Variants in ABLIM1 observed in about 807,000 individuals in gnomAD.
The protein encoded by ABLIM1 is actin-binding LIM protein 1.
ABLIM1 carries 40 observed loss-of-function variants against 107.0 expected under a neutral mutation model. That is an observed-to-expected ratio of 0.37 (90% CI 0.29 to 0.49). ABLIM1 has a LOEUF of 0.49. Ranked by LOEUF, ABLIM1 falls within the 20% of genes least tolerant of loss-of-function variation. ABLIM1 has a pLI of 0.97. For missense variants in ABLIM1, 857 were observed against 1,008.5 expected (o/e 0.85, Z 2.04); for synonymous variants, 357 against 357.3 (o/e 1.00, Z 0.01).
intron 6 of ABLIM1, among the ~76,000 whole-genome samples, chr10:114,492,317 C>G (rs1292044029): frequency 6.6e-6 from 1 of 152,160 alleles, no homozygotes; most frequent in Non-Finnish European, 1.5e-5. Flanking sequence ...ATAATAAAAT[C>G]TACCCCAATG....
In ABLIM1 at chr10:114,657,974, T is replaced by C. The variant is rs1555218447; in HGVS notation, c.227A>G (p.Asn76Ser). Residue 76 changes from asparagine to serine, a missense_variant, in exon 1 of 23, where the codon AAC (asparagine) becomes AGC (serine). This residue lies in a region of ABLIM1 where 176 missense variants were observed against 173.5 expected (regional missense o/e 1.01). Transcript: ENST00000533213. ...KDYCPRGRVC[N>S]SVDPFVAHPQ... is the part of the protein sequence containing the mutation. ...TTACTTACCAAAAGGATCAACGCTG[T>C]TACATACACGCCCACGTGGGCAGTA... 7 of 1,613,462 alleles carry C rather than the reference T, an allele frequency of 4.3e-6. No homozygotes were observed. The highest frequency in any genetic ancestry group is 1.7e-6 in the Non-Finnish European group (2 of 1,179,570).
chr10:114,722,212 G>A (rs968824553), intron 1 of ABLIM1, among the ~76,000 whole-genome samples: 3 of 152,192 alleles, frequency 2.0e-5, no homozygotes, highest in African/African-American at 7.2e-5. Context: ...AGGTTGTACA[G>A]GAAGCATGGC....
chr10:114,775,127 A>C, the ABLIM1 span, among the ~76,000 whole-genome samples: 1 of 152,098 alleles, frequency 6.6e-6, no homozygotes, highest in Non-Finnish European at 1.5e-5. Flanking sequence ...GGAAAAATGC[A>C]AGCAGGGGAA....
chr10:114,537,788 CAATT>C (rs1220974802), intron 6 of ABLIM1, among the ~76,000 whole-genome samples: 1 of 152,158 alleles, frequency 6.6e-6, no homozygotes, highest in African/African-American at 2.4e-5. Context: ...TTTGGGTCTA[CAATT>C]AATTAATTGG....
At chr10:114,771,923 AT>A (rs1665145043), upstream of ABLIM1, among the ~76,000 whole-genome samples, 2 of 152,034 alleles carry the variant, frequency 1.3e-5, no homozygotes, top group South Asian at 4.1e-4. Flanking sequence ...CATTATTAAC[AT>A]TTTTTCTTTA....
chr10:114,754,545 G>A (rs2082588740), intron 1 of ABLIM1, among the ~76,000 whole-genome samples: 1 of 152,188 alleles, frequency 6.6e-6, no homozygotes, highest in South Asian at 2.1e-4. Flanking sequence ...GTTATCAGAG[G>A]AAGAACAGAG....
Position 114,485,270 on chromosome 10 carries a change from G to A in ABLIM1, c.1041+2688C>T, listed in dbSNP as rs761428677. ...AGCCTGGGCCCAGGACAGTGGCTTC[G>A]AGCCCCAGCCTAGACACAATGCCAA... is the stretch of plus-strand genomic sequence containing the variant. On this transcript the variant is annotated intron_variant, in intron 8 of 22. Coordinates refer to ENST00000533213, the MANE Select transcript of ABLIM1 (RefSeq NM_002313.7). 64 of 1,566,286 alleles carry A rather than the reference G, an allele frequency of 4.1e-5. No individual in the cohort carries two copies. The Middle Eastern group carries it at 6.8e-4, about 17-fold the overall frequency.
intron 10 of ABLIM1, among the ~76,000 whole-genome samples, chr10:114,469,812 TA>T (rs2066097900): frequency 6.6e-6 from 1 of 152,224 alleles, no homozygotes; most frequent in South Asian, 2.1e-4. Context: ...TGTTTACAAT[TA>T]AAATGCAAAA....
rs775835991 is a variant in ABLIM1 at position 114,444,144 on chromosome 10, G to GA, written c.1828-11dup. ...CCAGGCCTGAGTTAAGCTATTCACA[G>GA]AAAAAAGGAAAAAAAAAAAAAAAAG... On this transcript the variant is annotated splice_polypyrimidine_tract_variant and intron_variant, in intron 16 of 22. Transcript: ENST00000533213. The GA allele has an allele frequency of 2.8e-6, 3 of 1,061,376 alleles. No individual in the cohort carries two copies. Among genetic ancestry groups the GA allele is most frequent in the Non-Finnish European group, 2.5e-6 (2 of 796,370 alleles). The allele number at this position is 1,061,376 out of a possible 1,614,324, so 65.7% of individuals were successfully genotyped here.
intron 1 of ABLIM1, among the ~76,000 whole-genome samples, chr10:114,757,640 C>T (rs1392127873): frequency 2.0e-5 from 3 of 152,308 alleles, no homozygotes; most frequent in African/African-American, 4.8e-5. Flanking sequence ...CACCTGCTCT[C>T]CTCCCATTTG....
In ABLIM1 at chr10:114,481,480, T is replaced by G. The variant is rs552639040; in HGVS notation, c.1041+6478A>C. On this transcript the variant is annotated intron_variant, in intron 8 of 22. Coordinates refer to ENST00000533213, the MANE Select transcript of ABLIM1 (RefSeq NM_002313.7). ...AAGTCCTGTTGATGTGGACAGTACC[T>G]GCCTTGGGTTTTTGTTGAAGTTCAC... Among the ~76,000 whole-genome samples, 33 of 152,004 alleles carry G rather than the reference T, an allele frequency of 2.2e-4. 1 individual carries two copies. The highest frequency in any genetic ancestry group is 7.7e-4 in the African/African-American group (32 of 41,442).
intron 1 of ABLIM1, chr10:114,631,769 C>T (rs2078192345): frequency 1.1e-6 from 1 of 947,054 alleles, no homozygotes; most frequent in Non-Finnish European, 1.4e-6. Flanking sequence ...ACCCAGACTT[C>T]ACAATACGGA....
At position 114,432,604 on chromosome 10, in the gene ABLIM1, T is replaced by G. The variant is rs913535728; in HGVS notation, c.*3656A>C. ...TGTCTAAAGAAATCCAGTGAAAGTT[T>G]TAGAAACATTGCCAGCTAGACGTCT... On this transcript the variant is annotated 3_prime_UTR_variant, in exon 23 of 23. Transcript: ENST00000533213. 7.2e-5 allele frequency: 11 copies of G among 152,198 alleles called. No homozygotes were observed. The highest frequency in any genetic ancestry group is 1.3e-4 in the Non-Finnish European group (9 of 68,034). The allele number at this position is 152,198 out of a possible 1,614,324, so 9.4% of individuals were successfully genotyped here.
At chr10:114,533,705 C>T (rs184732348) in intron 6 of ABLIM1, among the ~76,000 whole-genome samples, 8 of 152,104 alleles carry the variant, frequency 5.3e-5, no homozygotes, top group African/African-American at 1.2e-4. Context: ...CTTGCTCTGT[C>T]CCCCAGGCTG....
chr10:114,603,241 A>G (rs2076160749), intron 1 of ABLIM1, among the ~76,000 whole-genome samples: 1 of 152,220 alleles, frequency 6.6e-6, no homozygotes, highest in South Asian at 2.1e-4. Context: ...ATACCACAAT[A>G]TAATAGTTCA....
intron 16 of ABLIM1, 65 bp from the exon 17 acceptor site, chr10:114,444,199 G>A: frequency 1.5e-6 from 2 of 1,370,844 alleles, no homozygotes; most frequent in Non-Finnish European, 2.0e-6. Flanking sequence ...CTTTCATGGA[G>A]CTGCAGTTTC....
intron 1 of ABLIM1, among the ~76,000 whole-genome samples, chr10:114,719,266 T>G (rs780407382): frequency 1.3e-5 from 2 of 152,222 alleles, no homozygotes; most frequent in Non-Finnish European, 2.9e-5. Flanking sequence ...ATTTTTTGAC[T>G]GCCTGCTGTG....
At chr10:114,448,604 T>TTATTATTATTATTATTATTATTA (rs2061401347) in intron 14 of ABLIM1, among the ~76,000 whole-genome samples, 1 of 149,746 alleles carries the variant, frequency 6.7e-6, no homozygotes, top group African/African-American at 2.5e-5. Flanking sequence ...AGATCATTCT[T>TTATTATTATTATTATTATTATTA]TTATTATTAT....
chr10:114,488,773 A>G (rs7894553), intron 7 of ABLIM1, among the ~76,000 whole-genome samples: 7,713 of 152,304 alleles, frequency 0.051, 616 homozygotes, highest in African/African-American at 0.17. Context: ...TCTTATAAGA[A>G]TCCAATGCCT....
Sources: gnomAD v4.1 joint callset for allele counts (sites outside exome capture counted in the v4.1 genomes callset) on GRCh38, gnomAD v4.1.1 for gene constraint, gnomAD v4.1.1 regional missense constraint, MANE v1.5 for transcripts, NCBI Gene and HGNC (gene_info 2026-07-23, HGNC 2026-07-21) for gene names.